GBE1: variants seen among roughly 807,000 people sequenced by gnomAD.
GBE1 encodes 1,4-alpha-glucan branching enzyme 1, also known as 1,4-alpha-glucan-branching enzyme.
Under a neutral mutation model 88.8 loss-of-function variants are expected in GBE1, and 70 were observed. The observed-to-expected ratio is 0.79, with a 90% CI of 0.65 to 0.96. The LOEUF (loss-of-function observed/expected upper bound fraction) is 0.96. GBE1 is among the 40% of genes least tolerant of loss of function. GBE1 has a pLI of 0.00. For missense variants in GBE1, 872 were observed against 871.0 expected, an observed-to-expected ratio of 1.00 and a Z score of -0.01; for synonymous variants, 284 against 300.1, an observed-to-expected ratio of 0.95 and a Z score of 0.56.
At position 81,667,874 on chromosome 3, in the gene GBE1, T is replaced by C. The variant is rs937272734; in HGVS notation, c.429+2964A>G. Among the ~76,000 whole-genome samples, 9 of 152,184 alleles carry C rather than the reference T, an allele frequency of 5.9e-5. No homozygotes were observed. In the South Asian group the frequency reaches 6.2e-4, roughly 11 times the overall value. ...CCGTATTTTATTGAGGACTTTTGCA[T>C]TGATGTTCATCAGGGAAATCATTCT... On this transcript the variant is annotated intron_variant, in intron 3 of 15. Transcript: ENST00000429644.
intron 1 of GBE1, among the ~76,000 whole-genome samples, chr3:81,732,995 CA>C (rs753445005): frequency 6.6e-6 from 1 of 152,146 alleles, no homozygotes; most frequent in African/African-American, 2.4e-5. Flanking sequence ...TACTCTAGGC[CA>C]GGGGTCCCCA....
intron 14 of GBE1, among the ~76,000 whole-genome samples, chr3:81,534,190 T>C (rs536611875): frequency 6.6e-6 from 1 of 152,074 alleles, no homozygotes; most frequent in African/African-American, 2.4e-5. Flanking sequence ...TGCTGATTTA[T>C]TGCTAGGTCC....
chr3:81,616,465 T>C (rs150302612), intron 7 of GBE1, among the ~76,000 whole-genome samples: 1 of 152,162 alleles, frequency 6.6e-6, no homozygotes, highest in Non-Finnish European at 1.5e-5. Flanking sequence ...CTATCATTCC[T>C]CCACTGCAAT....
chr3:81,637,278 T>A (rs549290090), intron 7 of GBE1, among the ~76,000 whole-genome samples: 1 of 152,284 alleles, frequency 6.6e-6, no homozygotes, highest in South Asian at 2.1e-4. Flanking sequence ...TGACATAGCA[T>A]TAGGCTACTA....
chr3:81,681,535 C>T (rs1217812669), intron 2 of GBE1, among the ~76,000 whole-genome samples: 1 of 152,146 alleles, frequency 6.6e-6, no homozygotes, highest in African/African-American at 2.4e-5. Flanking sequence ...CATAGGTCTC[C>T]CTCCTAACCC....
At chr3:81,747,458 G>C (rs1038317356) in intron 1 of GBE1, among the ~76,000 whole-genome samples, 1 of 152,162 alleles carries the variant, frequency 6.6e-6, no homozygotes, top group Admixed American at 6.5e-5. Context: ...AGGCAGGCTG[G>C]TCATTTGAGG....
intron 1 of GBE1, among the ~76,000 whole-genome samples, chr3:81,752,009 T>C (rs1706534074): frequency 6.6e-6 from 1 of 152,222 alleles, no homozygotes; most frequent in African/African-American, 2.4e-5. Context: ...ATTTGTATAT[T>C]TGGTTTCTGA....
intron 15 of GBE1, among the ~76,000 whole-genome samples, chr3:81,492,677 A>T (rs113697792): frequency 4.8e-4 from 64 of 134,038 alleles, no homozygotes; most frequent in South Asian, 7.1e-4. Flanking sequence ...CCCTTCTCCC[A>T]TTCTCCCTTT....
Position 81,490,188 on chromosome 3 carries a change from G to C in GBE1, c.*219C>G. The C allele has an allele frequency of 1.9e-6, 1 of 516,160 alleles. No homozygotes were observed. Among genetic ancestry groups the C allele is most frequent in the East Asian group, 3.4e-5 (1 of 29,106 alleles). 32.0% of individuals were successfully genotyped at this position (516,160 alleles called of 1,614,324 possible). ...AGAATCCTAGCTGCTAAGATGACTT[G>C]AAAATATGGTCTAGGATTCCTAATA... On this transcript the variant is annotated 3_prime_UTR_variant, in exon 16 of 16. Coordinates refer to ENST00000429644, the MANE Select transcript of GBE1 (RefSeq NM_000158.4).
chr3:81,743,742 T>C (rs1706383309), intron 1 of GBE1: 1 of 655,112 alleles, frequency 1.5e-6, no homozygotes, highest in Non-Finnish European at 2.5e-6. Context: ...TTGTTTTGTG[T>C]TGTTTGTGTT....
intron 12 of GBE1, 102 bp downstream of exon 12, chr3:81,577,823 A>G: frequency 1.1e-6 from 1 of 904,502 alleles, no homozygotes; most frequent in Admixed American, 3.4e-5. Context: ...GTAATTTTAT[A>G]TTCTAAATCT....
At chr3:81,689,533 A>C (rs1203426350) in intron 2 of GBE1, among the ~76,000 whole-genome samples, 1 of 152,262 alleles carries the variant, frequency 6.6e-6, no homozygotes, top group Admixed American at 6.5e-5. Flanking sequence ...ACTACTGATT[A>C]GATTTTAAGA....
intron 12 of GBE1, among the ~76,000 whole-genome samples, chr3:81,539,246 G>A (rs527295375): frequency 7.9e-5 from 12 of 152,034 alleles, no homozygotes; most frequent in African/African-American, 2.9e-4. Context: ...TGGAAATACA[G>A]GGCTAAGAAT....
chr3:81,683,573 T>A (rs1464489779), intron 2 of GBE1, among the ~76,000 whole-genome samples: 1 of 152,224 alleles, frequency 6.6e-6, no homozygotes, highest in Non-Finnish European at 1.5e-5. Context: ...ATAGGTATCC[T>A]CTTCTCAAAC....
At chr3:81,605,055 T>C (rs2106976869) in intron 7 of GBE1, among the ~76,000 whole-genome samples, 1 of 152,230 alleles carries the variant, frequency 6.6e-6, no homozygotes, top group African/African-American at 2.4e-5. Context: ...TATTGGTGAA[T>C]GTATGGCCTA....
intron 7 of GBE1, among the ~76,000 whole-genome samples, chr3:81,614,296 G>A (rs896909244): frequency 3.7e-4 from 57 of 152,194 alleles, no homozygotes; most frequent in African/African-American, 1.3e-3. Flanking sequence ...TCTAGGGGGG[G>A]AAAAAACCCT....
chr3:81,532,903 T>A (rs555936093), intron 14 of GBE1, among the ~76,000 whole-genome samples: 1 of 152,170 alleles, frequency 6.6e-6, no homozygotes, highest in South Asian at 2.1e-4. Context: ...AGTCTAGGCT[T>A]AAAAGTCTTT....
At chr3:81,662,904 T>G (rs574524967) in intron 3 of GBE1, among the ~76,000 whole-genome samples, 2 of 152,308 alleles carry the variant, frequency 1.3e-5, no homozygotes, top group African/African-American at 4.8e-5. Flanking sequence ...GTTAATGAAC[T>G]CATATAAGAA....
chr3:81,709,463 T>G (rs1428056590), intron 1 of GBE1, among the ~76,000 whole-genome samples: 1 of 151,962 alleles, frequency 6.6e-6, no homozygotes, highest in Non-Finnish European at 1.5e-5. Context: ...GAACTTAGGG[T>G]AAAAAATATA....
Sources: gnomAD v4.1 joint callset for allele counts (sites outside exome capture counted in the v4.1 genomes callset) on GRCh38, gnomAD v4.1.1 for gene constraint, MANE v1.5 for transcripts, NCBI Gene and HGNC (gene_info 2026-07-23, HGNC 2026-07-21) for gene names.